DOCK4: variants seen among roughly 807,000 people sequenced by gnomAD.
DOCK4 encodes dedicator of cytokinesis protein 4.
A neutral mutation model predicts 268.1 loss-of-function variants in DOCK4; 97 were observed. The ratio of observed to expected loss-of-function variants is 0.36; its 90% CI spans 0.31 to 0.43. The LOEUF (loss-of-function observed/expected upper bound fraction) is 0.43, where lower values mean the gene tolerates loss of function less well. DOCK4 is among the 20% of genes least tolerant of loss of function. DOCK4 has a pLI of 1.00. For missense variants in DOCK4, 2,145 were observed against 2,455.7 expected (o/e 0.87, Z 2.67); for synonymous variants, 954 against 887.2 (o/e 1.08, Z -1.34).
intron 8 of DOCK4, among the ~76,000 whole-genome samples, chr7:111,949,483 C>T (rs1442814632): frequency 1.3e-5 from 2 of 152,196 alleles, no homozygotes; most frequent in East Asian, 3.9e-4. Flanking sequence ...TATATCATAT[C>T]CTGTTTCAGA....
At chr7:112,164,547 T>G (rs1002299143) in intron 1 of DOCK4, among the ~76,000 whole-genome samples, 1 of 152,202 alleles carries the variant, frequency 6.6e-6, no homozygotes, top group South Asian at 2.1e-4. Flanking sequence ...ACTGCTTCAT[T>G]TATATACTCT....
chr7:111,760,120 A>G, intron 40 of DOCK4, 61 bp downstream of exon 40: 1 of 1,586,882 alleles, frequency 6.3e-7, no homozygotes, highest in East Asian at 2.3e-5. Context: ...TTGCATGGAA[A>G]TGCTCTGCAG....
At chr7:111,760,479 G>C (rs992266867) in intron 39 of DOCK4, among the ~76,000 whole-genome samples, 157 bp from the exon 40 acceptor site, 12 of 152,142 alleles carry the variant, frequency 7.9e-5, no homozygotes, top group Non-Finnish European at 2.9e-5. Flanking sequence ...TTGCCCAATT[G>C]TTAAAAATGC....
intron 10 of DOCK4, among the ~76,000 whole-genome samples, chr7:111,941,393 G>A (rs1472777599): frequency 6.6e-6 from 1 of 151,698 alleles, no homozygotes; most frequent in Non-Finnish European, 1.5e-5. Context: ...TTACACAACT[G>A]ATTTAAACAA....
chr7:111,937,812 C>G (rs1794864345), intron 11 of DOCK4, among the ~76,000 whole-genome samples: 1 of 152,216 alleles, frequency 6.6e-6, no homozygotes, highest in African/African-American at 2.4e-5. Flanking sequence ...GCTTCCTTTT[C>G]TTATTAGCTA....
In DOCK4 at chr7:111,739,261, G is replaced by C. The variant is rs773787936; in HGVS notation, c.5123-18C>G. On this transcript the variant is annotated intron_variant, in intron 48 of 52. Transcript: ENST00000428084. ...AGGAGAAGCTGGGAAGAGAAGGAGA[G>C]AGAGGATCATCAGCATGGTAGTGGT... 6.8e-6 allele frequency: 11 copies of C among 1,609,052 alleles called. No homozygotes were observed. The Middle Eastern group carries it at 9.9e-4, about 144-fold the overall frequency.
intron 1 of DOCK4, among the ~76,000 whole-genome samples, chr7:112,065,514 T>C (rs1277893142): frequency 6.6e-6 from 1 of 150,722 alleles, no homozygotes; most frequent in African/African-American, 2.4e-5. Flanking sequence ...GAAGGTACCA[T>C]GTCTACGTTT....
intron 1 of DOCK4, among the ~76,000 whole-genome samples, chr7:112,170,090 C>A (rs1817952624): frequency 6.7e-6 from 1 of 149,230 alleles, no homozygotes; most frequent in South Asian, 2.2e-4. Flanking sequence ...AAGCAGCAAA[C>A]AAAATTATAA....
chr7:111,921,796 T>A (rs1412063765), intron 12 of DOCK4, among the ~76,000 whole-genome samples: 1 of 152,218 alleles, frequency 6.6e-6, no homozygotes, highest in Non-Finnish European at 1.5e-5. Flanking sequence ...ATATCTATCA[T>A]TGTTTCTGTT....
At chr7:111,755,023 A>T (rs1429768376) in intron 42 of DOCK4, among the ~76,000 whole-genome samples, 3 of 152,218 alleles carry the variant, frequency 2.0e-5, no homozygotes, top group Non-Finnish European at 4.4e-5. Flanking sequence ...TGGCTTTGGA[A>T]TCAGAAATAT....
At chr7:111,750,156 C>T (rs576695809) in intron 42 of DOCK4, among the ~76,000 whole-genome samples, 77 of 152,268 alleles carry the variant, frequency 5.1e-4, no homozygotes, top group Non-Finnish European at 8.5e-4. Flanking sequence ...TAGACCACCT[C>T]GTCTTACCAG....
At chr7:112,074,193 T>G (rs1002366287) in intron 1 of DOCK4, among the ~76,000 whole-genome samples, 1 of 152,210 alleles carries the variant, frequency 6.6e-6, no homozygotes, top group African/African-American at 2.4e-5. Context: ...GGGTTAAATA[T>G]CATGTATTAT....
At chr7:111,829,289 A>G (rs1355104001) in intron 26 of DOCK4, among the ~76,000 whole-genome samples, 1 of 152,164 alleles carries the variant, frequency 6.6e-6, no homozygotes, top group Non-Finnish European at 1.5e-5. Context: ...TTGGTTTAAG[A>G]AAGTTTATTA....
chr7:111,756,425 G>C (rs1241459068), intron 41 of DOCK4, among the ~76,000 whole-genome samples: 4 of 152,052 alleles, frequency 2.6e-5, no homozygotes, highest in Admixed American at 1.3e-4. Context: ...ACTACCGATA[G>C]AGCCAGCATT....
intron 36 of DOCK4, among the ~76,000 whole-genome samples, chr7:111,776,470 A>T (rs1798447966): frequency 6.6e-6 from 1 of 152,212 alleles, no homozygotes. Flanking sequence ...GACTTAACTC[A>T]ATAGACATTA....
chr7:111,940,628 T>A (rs1795132702), intron 10 of DOCK4, among the ~76,000 whole-genome samples: 1 of 152,314 alleles, frequency 6.6e-6, no homozygotes, highest in African/African-American at 2.4e-5. Flanking sequence ...AAAAAAACTA[T>A]TTCAAAAATT....
intron 38 of DOCK4, among the ~76,000 whole-genome samples, chr7:111,765,475 G>C (rs926054698): frequency 6.6e-6 from 1 of 152,128 alleles, no homozygotes; most frequent in Non-Finnish European, 1.5e-5. Flanking sequence ...AGGCCCACAG[G>C]CTGTAGTTTG....
At chr7:111,938,461 G>C (rs530255194) in intron 11 of DOCK4, among the ~76,000 whole-genome samples, 50 of 152,322 alleles carry the variant, frequency 3.3e-4, no homozygotes, top group Middle Eastern at 3.4e-3. Flanking sequence ...CATGGAGGTA[G>C]CCAATGGTGT....
At chr7:112,195,758 G>A (rs560319543) in intron 1 of DOCK4, among the ~76,000 whole-genome samples, 122 of 152,218 alleles carry the variant, frequency 8.0e-4, no homozygotes, top group Admixed American at 4.6e-3. Context: ...AGACTTCAGG[G>A]AGAAATTTTT....
Sources: gnomAD v4.1 joint callset for allele counts (sites outside exome capture counted in the v4.1 genomes callset) on GRCh38, gnomAD v4.1.1 for gene constraint, MANE v1.5 for transcripts, NCBI Gene and HGNC (gene_info 2026-07-23, HGNC 2026-07-21) for gene names.